Variants in GRIK2 observed in about 807,000 individuals in gnomAD.
The protein encoded by GRIK2 is glutamate receptor ionotropic, kainate 2.
GRIK2 carries 32 observed loss-of-function variants against 100.3 expected under a neutral mutation model. That is an observed-to-expected ratio of 0.32 (90% confidence interval 0.24 to 0.43). The LOEUF (loss-of-function observed/expected upper bound fraction) is 0.43. Ranked by LOEUF, GRIK2 falls within the 20% of genes least tolerant of loss-of-function variation. The probability of loss-of-function intolerance (pLI) is 1.00; values close to 1 mark genes in which losing one functional copy is unlikely to be tolerated. For missense variants in GRIK2, 843 were observed against 1,114.9 expected (o/e 0.76, Z 3.47); for synonymous variants, 417 against 389.4 (o/e 1.07, Z -0.83).
chr6:101,799,473 CATA>C (rs1297604820), intron 7 of GRIK2, among the ~76,000 whole-genome samples, 172 bp from the exon 8 acceptor site: 6 of 152,108 alleles, frequency 3.9e-5, no homozygotes, highest in African/African-American at 1.4e-4. Flanking sequence ...GTAATTTGAT[CATA>C]ATGTCTTGTT....
chr6:101,439,173 A>G (rs1562138543), intron 2 of GRIK2, among the ~76,000 whole-genome samples: 1 of 152,084 alleles, frequency 6.6e-6, no homozygotes, highest in African/African-American at 2.4e-5. Flanking sequence ...GGGTCTATAT[A>G]TGTTTATATC....
At chr6:101,702,955 C>A (rs75497927) in intron 7 of GRIK2, among the ~76,000 whole-genome samples, 7,461 of 151,764 alleles carry the variant, frequency 0.049, 242 homozygotes, top group East Asian at 0.13. Context: ...CAAGGGTATC[C>A]TTTTGATGCA....
intron 2 of GRIK2, among the ~76,000 whole-genome samples, chr6:101,558,908 TATG>T (rs1326945537): frequency 2.0e-5 from 3 of 152,056 alleles, no homozygotes; most frequent in Non-Finnish European, 2.9e-5. Flanking sequence ...TCAAACCAGA[TATG>T]GTAAAAATAA....
At chr6:101,849,034 A>C (rs1783965405) in intron 10 of GRIK2, among the ~76,000 whole-genome samples, 1 of 152,024 alleles carries the variant, frequency 6.6e-6, no homozygotes, top group Non-Finnish European at 1.5e-5. Flanking sequence ...TTTTTAGTTT[A>C]GATGCCTGAA....
chr6:101,488,015 G>T (rs1772916916), intron 2 of GRIK2, among the ~76,000 whole-genome samples: 1 of 146,120 alleles, frequency 6.8e-6, no homozygotes, highest in Non-Finnish European at 1.5e-5. Context: ...CAACTATAAA[G>T]TTACAAGTCT....
intron 2 of GRIK2, among the ~76,000 whole-genome samples, chr6:101,482,662 A>G (rs1461126548): frequency 1.3e-5 from 2 of 152,144 alleles, no homozygotes; most frequent in Non-Finnish European, 2.9e-5. Flanking sequence ...GGCACAGAGA[A>G]AAAAAGACAG....
At chr6:101,659,489 A>T (rs565808546) in intron 4 of GRIK2, among the ~76,000 whole-genome samples, 1 of 152,082 alleles carries the variant, frequency 6.6e-6, no homozygotes, top group Admixed American at 6.6e-5. Context: ...TAATATTGTT[A>T]TGTGTGAATT....
At chr6:101,867,132 A>C (rs970320858) in intron 11 of GRIK2, among the ~76,000 whole-genome samples, 2 of 151,998 alleles carry the variant, frequency 1.3e-5, no homozygotes, top group East Asian at 3.9e-4. Flanking sequence ...TATTAAGTCC[A>C]TACTGATTGG....
intron 14 of GRIK2, among the ~76,000 whole-genome samples, chr6:101,941,494 AT>A (rs904019749): frequency 5.0e-4 from 75 of 150,722 alleles, no homozygotes; most frequent in Middle Eastern, 3.5e-3. Context: ...TTGATATGCA[AT>A]TTTTTTTTTC....
In GRIK2 at chr6:101,682,592, A is replaced by G; in HGVS notation, c.763A>G (p.Ile255Val). 7.7e-7 allele frequency: 1 copy of G among 1,306,930 alleles called. No homozygotes were observed. The highest frequency in any genetic ancestry group is 1.1e-6 in the Non-Finnish European group (1 of 910,324). 81.0% of individuals were successfully genotyped at this position (1,306,930 alleles called of 1,614,324 possible). A position where few individuals can be genotyped will look rare whatever the true frequency, so the allele number is the denominator to read the frequency against. The change falls in exon 6 of 17, where the codon ATC (isoleucine) becomes GTC (valine). Residue 255 changes from isoleucine to valine, a missense_variant. Physicochemically the swap from Ile to Val is conservative, Grantham distance 29 (BLOSUM62 3). Coordinates refer to ENST00000369134, the MANE Select transcript of GRIK2 (RefSeq NM_021956.5). ...AATGATGACAGAATACTATCATTAT[A>G]TCTTTACCACTCTGGTAAGTACTTC... ...MGMMTEYYHY[I>V]FTTLDLFALD...
intron 14 of GRIK2, chr6:101,993,318 ACT>A (rs199886285): frequency 7.4e-6 from 1 of 135,654 alleles, no homozygotes; most frequent in Non-Finnish European, 1.7e-5. Flanking sequence ...TAAATAGGTG[ACT>A]CTATTTTCTC....
intron 2 of GRIK2, among the ~76,000 whole-genome samples, chr6:101,461,846 G>T (rs1392194082): frequency 6.6e-6 from 1 of 152,032 alleles, no homozygotes; most frequent in Non-Finnish European, 1.5e-5. Flanking sequence ...GAAAAACTTT[G>T]TTTTATACGT....
At chr6:101,595,228 G>A (rs765515671) in intron 2 of GRIK2, among the ~76,000 whole-genome samples, 1 of 151,684 alleles carries the variant, frequency 6.6e-6, no homozygotes, top group Non-Finnish European at 1.5e-5. Context: ...GAGAAGAAAG[G>A]TGGGAGAGAC....
chr6:101,435,977 T>G (rs964152434), intron 2 of GRIK2, among the ~76,000 whole-genome samples: 1 of 152,174 alleles, frequency 6.6e-6, no homozygotes, highest in Admixed American at 6.6e-5. Flanking sequence ...CCTTCTTTTA[T>G]TTCATATGGA....
At chr6:101,863,302 T>C (rs150237219) in intron 11 of GRIK2, among the ~76,000 whole-genome samples, 93 of 152,294 alleles carry the variant, frequency 6.1e-4, no homozygotes, top group Non-Finnish European at 1.5e-4. Context: ...CAAGTACTCA[T>C]GTTGGCCTTT....
chr6:101,426,370 A>G (rs1054797752), intron 2 of GRIK2, among the ~76,000 whole-genome samples: 3 of 152,152 alleles, frequency 2.0e-5, no homozygotes, highest in Admixed American at 6.6e-5. Context: ...GAAACATACT[A>G]TAAATTCTTA....
intron 8 of GRIK2, among the ~76,000 whole-genome samples, chr6:101,800,628 A>G (rs1441992575): frequency 3.9e-5 from 6 of 152,102 alleles, no homozygotes; most frequent in Admixed American, 1.3e-4. Context: ...GATCATAATT[A>G]AGTATCTCTG....
rs370241149 is a variant in GRIK2 at position 101,909,371 on chromosome 6, G to GTTTTTTTTTTTT, written c.1749-15226_1749-15225insTTTTTTTTTTTT. Among the ~76,000 whole-genome samples, 118 of 83,498 alleles carry GTTTTTTTTTTTT rather than the reference G, an allele frequency of 1.4e-3. 25 individuals carry two copies. The highest frequency in any genetic ancestry group is 3.5e-3 in the African/African-American group (79 of 22,878). The allele number at this position is 83,498 out of a possible 152,430, so 54.8% of individuals were successfully genotyped here. A position where few individuals can be genotyped will look rare whatever the true frequency, so the allele number is the denominator to read the frequency against. ...TTTTTGGATGCTGAAGGAAGATAGG[G>GTTTTTTTTTTTT]TTTTCTTTTTCTTTTTTTTTTTTTT... On this transcript the variant is annotated intron_variant, in intron 12 of 16. Transcript: ENST00000369134.
At chr6:101,761,716 C>G (rs1156592815) in intron 7 of GRIK2, among the ~76,000 whole-genome samples, 1 of 152,070 alleles carries the variant, frequency 6.6e-6, no homozygotes, top group Non-Finnish European at 1.5e-5. Context: ...ACTTTTATAA[C>G]AAAACCAGAT....
Sources: allele counts gnomAD v4.1 joint callset (sites outside exome capture counted in the v4.1 genomes callset), GRCh38; gene constraint gnomAD v4.1.1; transcripts MANE v1.5; gene names NCBI Gene and HGNC (gene_info 2026-07-23, HGNC 2026-07-21).